Variants in SCAMP2 observed in about 807,000 individuals in gnomAD.
SCAMP2 encodes secretory carrier-associated membrane protein 2.
SCAMP2 carries 25 observed loss-of-function variants against 44.1 expected under a neutral mutation model. The ratio of observed to expected loss-of-function variants is 0.57; its 90% CI spans 0.41 to 0.79. The LOEUF (loss-of-function observed/expected upper bound fraction) is 0.79. Among genes scored for constraint, SCAMP2 ranks in the 30% least tolerant of loss-of-function variants. The probability of loss-of-function intolerance (pLI) is 0.00; values close to 1 mark genes in which losing one functional copy is unlikely to be tolerated. For missense variants in SCAMP2, 355 were observed against 411.0 expected, an observed-to-expected ratio of 0.86 and a Z score of 1.18; for synonymous variants, 156 against 166.0, an observed-to-expected ratio of 0.94 and a Z score of 0.46.
In SCAMP2 at chr15:74,845,479, C is replaced by T. The variant is rs1888902670; in HGVS notation, c.849G>A (p.Leu283=). The change falls in exon 8 of 9, where the codon CTG becomes CTA. Residue 283 remains leucine, a synonymous_variant. Coordinates refer to ENST00000268099, the MANE Select transcript of SCAMP2 (RefSeq NM_005697.5). ...TLCAVLSVFL[L]QRVHSLYRRT... is the part of the protein sequence containing the mutation. ...CCCTGCCCACACCACTCACCCGCTG[C>T]AGGAGGAAGACTGAGAGCACGGCAC... is the stretch of plus-strand genomic sequence containing the variant. 1 of 1,614,042 alleles carries T rather than the reference C, an allele frequency of 6.2e-7. No homozygotes were observed. The highest frequency in any genetic ancestry group is 2.2e-5 in the East Asian group (1 of 44,894).
rs375483317 is a variant in SCAMP2 at position 74,844,203 on chromosome 15, A to AGGGGG, written c.*875_*879dup. The AGGGGG allele has an allele frequency of 4.5e-5, 3 of 67,110 alleles. No individual in the cohort carries two copies. The highest frequency in any genetic ancestry group is 4.7e-4 in the South Asian group (1 of 2,134). 4.2% of individuals were successfully genotyped at this position (67,110 alleles called of 1,614,324 possible). On this transcript the variant is annotated 3_prime_UTR_variant, in exon 9 of 9. Coordinates refer to ENST00000268099, the MANE Select transcript of SCAMP2 (RefSeq NM_005697.5). ...AAGGCAGCCGTCCCTCGGTTCGGGGAGGGGGGGGGGTAGTCACAGCAAACA... is the reference window on the plus strand; with the variant it reads ...AAGGCAGCCGTCCCTCGGTTCGGGGAGGGGGGGGGGGGGGGTAGTCACAGCAAACA...
At chr15:74,849,574 T>A (rs1446874655) in intron 6 of SCAMP2, among the ~76,000 whole-genome samples, 2 of 152,100 alleles carry the variant, frequency 1.3e-5, no homozygotes, top group African/African-American at 4.8e-5. Context: ...GGAAACCCCA[T>A]CGCTACTAAA....
intron 3 of SCAMP2, chr15:74,852,511 T>C (rs1033074010): frequency 8.4e-6 from 2 of 237,978 alleles, no homozygotes; most frequent in African/African-American, 4.5e-5. Context: ...CGCTCAGTGA[T>C]TGTGACCTTT....
Position 74,848,590 on chromosome 15 carries a change from C to G in SCAMP2, c.734+10G>C. Reference sequence around the variant, plus strand: ...AAAGCCTAATTCCCTCTGTGATGCCCAGGTCTCACCTGTCCCCCAGGCCAG... The same window carrying G: ...AAAGCCTAATTCCCTCTGTGATGCCGAGGTCTCACCTGTCCCCCAGGCCAG... On this transcript the variant is annotated intron_variant, in intron 7 of 8. Coordinates refer to ENST00000268099, the MANE Select transcript of SCAMP2 (RefSeq NM_005697.5). The G allele has an allele frequency of 6.4e-7, 1 of 1,554,324 alleles. No homozygotes were observed. The highest frequency in any genetic ancestry group is 8.9e-7 in the Non-Finnish European group (1 of 1,125,974).
Position 74,862,263 on chromosome 15 carries a change from C to CAAAAAAAAAAA in SCAMP2, c.58-7625_58-7615dup, listed in dbSNP as rs1206712618. 1.9e-4 allele frequency among the ~76,000 whole-genome samples: 3 copies of CAAAAAAAAAAA among 15,476 alleles called. 1 individual carries two copies. Among genetic ancestry groups the CAAAAAAAAAAA allele is most frequent in the African/African-American group, 3.2e-4 (1 of 3,112 alleles). 10.2% of individuals were successfully genotyped at this position (15,476 alleles called of 152,430 possible). On this transcript the variant is annotated intron_variant, in intron 1 of 8. Transcript: ENST00000268099. ...GGGTGACAGAGTGAGACTCTGTCTC[C>CAAAAAAAAAAA]AAAAAAAAAAAAAAAAAAAAAAAAA...
intron 1 of SCAMP2, among the ~76,000 whole-genome samples, chr15:74,854,850 G>A (rs1174751612): frequency 1.3e-5 from 2 of 152,128 alleles, no homozygotes; most frequent in Non-Finnish European, 2.9e-5. Context: ...CCTGGAAAAG[G>A]TTCAGCCCAG....
chr15:74,850,674 C>CT lies in SCAMP2; in HGVS notation c.473-2dup. The CT allele has an allele frequency of 6.2e-7, 1 of 1,613,922 alleles. No individual in the cohort carries two copies. On this transcript the variant is annotated splice_acceptor_variant, in intron 5 of 8. Coordinates refer to ENST00000268099, the MANE Select transcript of SCAMP2 (RefSeq NM_005697.5). LOFTEE classifies it high-confidence loss of function. ...TTCAGAAACAGAGTCACTGAATGCA[C>CT]TGGGGAAGGGGACAGGACAGAGTTA...
intron 3 of SCAMP2, chr15:74,853,034 C>T (rs1217108305): frequency 6.2e-6 from 1 of 162,220 alleles, no homozygotes; most frequent in Non-Finnish European, 1.4e-5. Context: ...AAACCAGGCA[C>T]ATGTGTACAC....
chr15:74,872,380 T>TTGTCG (rs2064582811), intron 1 of SCAMP2, among the ~76,000 whole-genome samples: 2 of 147,916 alleles, frequency 1.4e-5, no homozygotes, highest in Non-Finnish European at 3.0e-5. Context: ...GCCAATGCAC[T>TTGTCG]CCAGCCTGGG....
At chr15:74,858,871 GGC>G (rs1243361122) in intron 1 of SCAMP2, among the ~76,000 whole-genome samples, 1 of 142,904 alleles carries the variant, frequency 7.0e-6, no homozygotes, top group Non-Finnish European at 1.5e-5. Flanking sequence ...GGAGTGCAGT[GGC>G]GCGATCTCAG....
chr15:74,870,215 G>T (rs549576134), intron 1 of SCAMP2, among the ~76,000 whole-genome samples: 2 of 152,148 alleles, frequency 1.3e-5, no homozygotes, highest in African/African-American at 4.8e-5. Flanking sequence ...AGACTGTCTC[G>T]CTAGAATGCA....
chr15:74,848,402 G>C, intron 7 of SCAMP2, 198 bp downstream of exon 7: 2 of 498,080 alleles, frequency 4.0e-6, no homozygotes, highest in Middle Eastern at 5.3e-4. Flanking sequence ...TTAGTATCAA[G>C]GAGAAAAAAA....
At chr15:74,869,224 G>A (rs1342462830) in intron 1 of SCAMP2, among the ~76,000 whole-genome samples, 1 of 151,790 alleles carries the variant, frequency 6.6e-6, no homozygotes, top group Non-Finnish European at 1.5e-5. Context: ...ACAGAACCAT[G>A]AGCACCTTTC....
At chr15:74,861,161 C>T (rs965942251) in intron 1 of SCAMP2, among the ~76,000 whole-genome samples, 2 of 152,146 alleles carry the variant, frequency 1.3e-5, no homozygotes, top group East Asian at 1.9e-4. Flanking sequence ...GGCAACAGAG[C>T]GAGACTCAAC....
intron 5 of SCAMP2, 100 bp downstream of exon 5, chr15:74,851,253 T>C: frequency 7.2e-7 from 1 of 1,385,584 alleles, no homozygotes; most frequent in Non-Finnish European, 1.0e-6. Context: ...TGGAGTCTGC[T>C]GAAAGCCTGT....
At chr15:74,858,707 G>A (rs79376506) in intron 1 of SCAMP2, among the ~76,000 whole-genome samples, 2 of 151,430 alleles carry the variant, frequency 1.3e-5, no homozygotes, top group East Asian at 3.9e-4. Flanking sequence ...AAGGCGCTCA[G>A]TGAATATGTG....
chr15:74,864,923 C>T (rs554819163), intron 1 of SCAMP2, among the ~76,000 whole-genome samples: 1 of 150,596 alleles, frequency 6.6e-6, no homozygotes, highest in East Asian at 2.0e-4. Context: ...CCCATCTCTA[C>T]TAAAAATACA....
chr15:74,871,647 GA>G (rs1284153120), intron 1 of SCAMP2, among the ~76,000 whole-genome samples: 1 of 152,060 alleles, frequency 6.6e-6, no homozygotes, highest in African/African-American at 2.4e-5. Context: ...AGCTACTCAG[GA>G]GGCTGAGGAA....
At chr15:74,864,921 T>C (rs2064532077) in intron 1 of SCAMP2, among the ~76,000 whole-genome samples, 1 of 150,128 alleles carries the variant, frequency 6.7e-6, no homozygotes, top group South Asian at 2.1e-4. Flanking sequence ...ACCCCATCTC[T>C]ACTAAAAATA....
Sources: gnomAD v4.1 joint callset for allele counts (sites outside exome capture counted in the v4.1 genomes callset) on GRCh38, gnomAD v4.1.1 for gene constraint, MANE v1.5 for transcripts, NCBI Gene and HGNC (gene_info 2026-07-23, HGNC 2026-07-21) for gene names.